The following PDGFD variants were observed in gnomAD, a reference collection of about 807,000 sequenced individuals.
PDGFD encodes platelet-derived growth factor D.
In PDGFD, 30 loss-of-function variants were observed where a neutral mutation model predicts 44.7. The observed-to-expected ratio is 0.67, with a 90% CI of 0.50 to 0.91. The LOEUF is 0.91. PDGFD is among the 40% of genes least tolerant of loss of function. The pLI, the probability that PDGFD is intolerant of heterozygous loss-of-function variation, is 0.00. For missense variants in PDGFD, 445 were observed against 457.8 expected, an observed-to-expected ratio of 0.97 and a Z score of 0.25; for synonymous variants, 173 against 168.4, an observed-to-expected ratio of 1.03 and a Z score of -0.21.
intron 3 of PDGFD, among the ~76,000 whole-genome samples, chr11:103,963,748 A>C (rs1293617613): frequency 6.6e-6 from 1 of 152,212 alleles, no homozygotes; most frequent in Admixed American, 6.5e-5. Flanking sequence ...AAACATCTTA[A>C]GAGGACAAGA....
At chr11:103,937,059 C>G (rs1419143878) in intron 5 of PDGFD, among the ~76,000 whole-genome samples, 1 of 152,104 alleles carries the variant, frequency 6.6e-6, no homozygotes, top group East Asian at 1.9e-4. Flanking sequence ...CTCCTGGGCT[C>G]AAGCGATCTG....
In PDGFD at chr11:103,957,052, C is replaced by T. The variant is rs1435863951; in HGVS notation, c.511-9328G>A. On this transcript the variant is annotated intron_variant, in intron 3 of 6. Coordinates refer to ENST00000393158, the MANE Select transcript of PDGFD (RefSeq NM_025208.5). ...TAGTTTCTTTTGCTGTGCAGAAGCT[C>T]TTTAGTTTAATTAGATCCCATTTGT... 2.6e-5 allele frequency among the ~76,000 whole-genome samples: 4 copies of T among 152,096 alleles called. No homozygotes were observed. In the East Asian group the frequency reaches 7.7e-4, roughly 29 times the overall value.
chr11:103,966,466 A>G (rs1300392248), intron 3 of PDGFD, among the ~76,000 whole-genome samples: 18 of 152,188 alleles, frequency 1.2e-4, no homozygotes, highest in Non-Finnish European at 5.9e-5. Context: ...TTTAAGAGCA[A>G]CAACAACAAA....
At chr11:103,952,415 ACCT>A (rs1300396603) in intron 3 of PDGFD, among the ~76,000 whole-genome samples, 3 of 152,076 alleles carry the variant, frequency 2.0e-5, no homozygotes, top group Non-Finnish European at 4.4e-5. Context: ...TGACTTCCTC[ACCT>A]CCTGCTCCTG....
At chr11:104,111,696 C>T (rs528220077) in intron 1 of PDGFD, among the ~76,000 whole-genome samples, 19 of 152,172 alleles carry the variant, frequency 1.2e-4, no homozygotes, top group African/African-American at 4.3e-4. Context: ...AAGGAAGAGG[C>T]AAATTTTAGG....
At chr11:103,948,314 A>G (rs1591089482) in intron 3 of PDGFD, among the ~76,000 whole-genome samples, 1 of 152,288 alleles carries the variant, frequency 6.6e-6, no homozygotes, top group East Asian at 1.9e-4. Flanking sequence ...GGGGAAGAAA[A>G]TGACTGGTAG....
chr11:103,983,100 C>A (rs1004353293), intron 3 of PDGFD, among the ~76,000 whole-genome samples: 1 of 151,712 alleles, frequency 6.6e-6, no homozygotes, highest in African/African-American at 2.4e-5. Flanking sequence ...AAAAAGACCC[C>A]AAACAGCCAA....
intron 1 of PDGFD, among the ~76,000 whole-genome samples, chr11:104,157,298 T>C (rs536152655): frequency 6.6e-6 from 1 of 152,296 alleles, no homozygotes; most frequent in African/African-American, 2.4e-5. Context: ...TCTGTATTCA[T>C]GTGCCACAGG....
At chr11:104,129,034 G>A (rs1029360248) in intron 1 of PDGFD, among the ~76,000 whole-genome samples, 14 of 152,044 alleles carry the variant, frequency 9.2e-5, no homozygotes, top group Non-Finnish European at 1.6e-4. Flanking sequence ...AGTAAACATC[G>A]CACATGTTCT....
intron 6 of PDGFD, among the ~76,000 whole-genome samples, chr11:103,916,152 A>C (rs7929033): frequency 2.0e-5 from 3 of 151,510 alleles, no homozygotes; most frequent in African/African-American, 7.3e-5. Context: ...AGAGTGAACA[A>C]GCAACCTACA....
At chr11:104,113,795 C>G (rs1345645166) in intron 1 of PDGFD, among the ~76,000 whole-genome samples, 1 of 152,024 alleles carries the variant, frequency 6.6e-6, no homozygotes, top group East Asian at 1.9e-4. Context: ...TATCACTGCT[C>G]TGGATTTTGG....
chr11:104,032,092 G>A (rs921242918), intron 1 of PDGFD, among the ~76,000 whole-genome samples: 3 of 151,900 alleles, frequency 2.0e-5, no homozygotes, highest in Non-Finnish European at 4.4e-5. Flanking sequence ...AACCACCATG[G>A]CACATGTTTA....
At chr11:103,983,339 A>T (rs887380539) in intron 3 of PDGFD, among the ~76,000 whole-genome samples, 1 of 151,858 alleles carries the variant, frequency 6.6e-6, no homozygotes, top group African/African-American at 2.4e-5. Context: ...CTATTCAGTA[A>T]ATGGTGCTGT....
At chr11:104,024,695 T>C (rs950512072) in intron 1 of PDGFD, among the ~76,000 whole-genome samples, 9 of 152,206 alleles carry the variant, frequency 5.9e-5, no homozygotes, top group Non-Finnish European at 1.3e-4. Flanking sequence ...GTTCACACAA[T>C]GATGAAATCA....
At chr11:104,090,334 G>A (rs361284) in intron 1 of PDGFD, among the ~76,000 whole-genome samples, 106,611 of 151,614 alleles carry the variant, frequency 0.7, 37,866 homozygotes, top group East Asian at 0.98. Flanking sequence ...AAAAATGGAT[G>A]TAGAGGCGGG....
At chr11:103,964,069 G>T (rs1046492894) in intron 3 of PDGFD, among the ~76,000 whole-genome samples, 1 of 152,038 alleles carries the variant, frequency 6.6e-6, no homozygotes, top group Non-Finnish European at 1.5e-5. Context: ...TCTGGGAGGG[G>T]TTTACTTCTT....
In PDGFD at chr11:104,113,557, G is replaced by T. The variant is rs558793650; in HGVS notation, c.124+50247C>A. 6.6e-5 allele frequency among the ~76,000 whole-genome samples: 10 copies of T among 150,802 alleles called. 1 individual carries two copies. In the South Asian group the frequency reaches 1.9e-3, roughly 29 times the overall value. On this transcript the variant is annotated intron_variant, in intron 1 of 6. Transcript: ENST00000393158. Reference sequence around the variant, plus strand: ...GTTGCTTCCAAGTTTTGGCAATTATGAACATAGCTGCTATAAACATCCAAC... The same window carrying T: ...GTTGCTTCCAAGTTTTGGCAATTATTAACATAGCTGCTATAAACATCCAAC...
intron 3 of PDGFD, among the ~76,000 whole-genome samples, chr11:103,954,452 C>G (rs1180927760): frequency 2.0e-5 from 3 of 152,196 alleles, no homozygotes; most frequent in Non-Finnish European, 1.5e-5. Context: ...CGGAGGGTGG[C>G]TGTTCATTTT....
chr11:104,013,424 C>T (rs2134376416), intron 1 of PDGFD, among the ~76,000 whole-genome samples: 1 of 152,288 alleles, frequency 6.6e-6, no homozygotes. Flanking sequence ...AATTGTAACA[C>T]ACCCCTAGAT....
Sources: allele counts gnomAD v4.1 joint callset (sites outside exome capture counted in the v4.1 genomes callset), GRCh38; gene constraint gnomAD v4.1.1; transcripts MANE v1.5; gene names NCBI Gene and HGNC (gene_info 2026-07-23, HGNC 2026-07-21).